Variants in ANO3 observed in about 807,000 individuals in gnomAD.
ANO3 encodes anoctamin-3.
ANO3 carries 99 observed loss-of-function variants against 144.8 expected under a neutral mutation model. That is an observed-to-expected ratio of 0.68 (90% CI 0.58 to 0.81). ANO3 has a LOEUF of 0.81. ANO3 is among the 30% of genes least tolerant of loss of function. The pLI is 0.00. For missense variants in ANO3, 905 were observed against 1,202.2 expected (o/e 0.75, Z 3.66); for synonymous variants, 414 against 392.6 (o/e 1.05, Z -0.64).
intron 1 of ANO3, among the ~76,000 whole-genome samples, chr11:26,221,343 G>T (rs115579015): frequency 6.6e-6 from 1 of 152,144 alleles, no homozygotes; most frequent in Non-Finnish European, 1.5e-5. Context: ...AGGAAGTCTC[G>T]TATAAATTAC....
chr11:26,441,280 G>A (rs1858512737), intron 1 of ANO3, among the ~76,000 whole-genome samples: 1 of 151,074 alleles, frequency 6.6e-6, no homozygotes, highest in South Asian at 2.1e-4. Context: ...ACTACGCCCG[G>A]CTAATTTTTT....
chr11:26,347,198 C>A (rs1276837209), intron 1 of ANO3, among the ~76,000 whole-genome samples: 1 of 152,144 alleles, frequency 6.6e-6, no homozygotes, highest in African/African-American at 2.4e-5. Context: ...TAAAATAACA[C>A]GTGCTTCATA....
At chr11:26,517,309 T>C (rs975227288) in intron 6 of ANO3, among the ~76,000 whole-genome samples, 16 of 152,016 alleles carry the variant, frequency 1.1e-4, no homozygotes, top group Admixed American at 2.0e-4. Flanking sequence ...ATTGTTCTTC[T>C]CTGTATAGTC....
chr11:26,396,103 AC>A (rs1294744960), intron 1 of ANO3, among the ~76,000 whole-genome samples: 5 of 152,196 alleles, frequency 3.3e-5, no homozygotes, highest in Admixed American at 2.0e-4. Context: ...CAAGAAAAAA[AC>A]AACCCCCTCA....
At chr11:26,553,632 T>A (rs1416744825) in intron 13 of ANO3, among the ~76,000 whole-genome samples, 1 of 152,170 alleles carries the variant, frequency 6.6e-6, no homozygotes. Context: ...AGCAAACAAT[T>A]ACTTCTATTG....
intron 6 of ANO3, among the ~76,000 whole-genome samples, chr11:26,524,330 A>G (rs1322784428): frequency 2.6e-5 from 4 of 152,248 alleles, no homozygotes; most frequent in Non-Finnish European, 4.4e-5. Context: ...GTGTTGGAAT[A>G]TGGCAGGGAC....
intron 13 of ANO3, among the ~76,000 whole-genome samples, chr11:26,558,572 C>T (rs1031200918): frequency 4.6e-5 from 7 of 151,940 alleles, no homozygotes; most frequent in South Asian, 2.1e-4. Context: ...TTAGAAATAC[C>T]GTGCCTTAAC....
chr11:26,421,653 C>G (rs1181704395), intron 1 of ANO3, among the ~76,000 whole-genome samples: 1 of 151,952 alleles, frequency 6.6e-6, no homozygotes, highest in Admixed American at 6.6e-5. Flanking sequence ...TAGGCTTTAT[C>G]AAGCACATGT....
intron 4 of ANO3, among the ~76,000 whole-genome samples, chr11:26,482,776 TC>T (rs1179798504): frequency 6.6e-6 from 1 of 152,122 alleles, no homozygotes; most frequent in Admixed American, 6.5e-5. Context: ...CTTCTGAGTC[TC>T]CAATATTATT....
chr11:26,594,405 G>A (rs1851547686), intron 14 of ANO3, among the ~76,000 whole-genome samples: 1 of 152,198 alleles, frequency 6.6e-6, no homozygotes, highest in Admixed American at 6.5e-5. Flanking sequence ...GCCTGATTTA[G>A]CAGTAACATT....
chr11:26,398,081 A>C (rs140761196), intron 1 of ANO3, among the ~76,000 whole-genome samples: 1 of 152,214 alleles, frequency 6.6e-6, no homozygotes, highest in Non-Finnish European at 1.5e-5. Flanking sequence ...TGTATGTTTA[A>C]AATCTGCAAA....
At chr11:26,572,953 T>A (rs1158881745) in intron 14 of ANO3, among the ~76,000 whole-genome samples, 1 of 152,140 alleles carries the variant, frequency 6.6e-6, no homozygotes, top group Non-Finnish European at 1.5e-5. Context: ...GCCCAGGTAA[T>A]GCTTGATTAA....
intron 4 of ANO3, among the ~76,000 whole-genome samples, chr11:26,475,959 A>G (rs945318086): frequency 6.6e-6 from 1 of 152,076 alleles, no homozygotes; most frequent in Non-Finnish European, 1.5e-5. Flanking sequence ...TTAAAAAAAT[A>G]GATAACTGGA....
At chr11:26,190,281 C>A (rs1378076618) in intron 1 of ANO3, among the ~76,000 whole-genome samples, 1 of 151,906 alleles carries the variant, frequency 6.6e-6, no homozygotes, top group African/African-American at 2.4e-5. Context: ...ATTATATAAC[C>A]CCCAGTCAAT....
At chr11:26,634,659 C>T (rs975887954) in intron 19 of ANO3, among the ~76,000 whole-genome samples, 3 of 152,126 alleles carry the variant, frequency 2.0e-5, no homozygotes, top group Non-Finnish European at 4.4e-5. Context: ...ATGCTTAACA[C>T]TCCATCCAAT....
At chr11:26,525,826 C>T in intron 7 of ANO3, 147 bp downstream of exon 7, 1 of 592,416 alleles carries the variant, frequency 1.7e-6, no homozygotes. Context: ...ATAACTTATG[C>T]CAAATCGAAT....
intron 1 of ANO3, among the ~76,000 whole-genome samples, chr11:26,323,761 A>G (rs1854818396): frequency 6.6e-6 from 1 of 152,222 alleles, no homozygotes; most frequent in Non-Finnish European, 1.5e-5. Flanking sequence ...AAATTGACAA[A>G]TTAATTCTTA....
intron 1 of ANO3, among the ~76,000 whole-genome samples, chr11:26,266,769 G>A (rs183419590): frequency 2.5e-3 from 376 of 151,332 alleles, no homozygotes; most frequent in Non-Finnish European, 3.6e-3. Flanking sequence ...GATGCAGAGT[G>A]GTCAGTGGCA....
At chr11:26,349,882 A>G (rs894155094) in intron 1 of ANO3, among the ~76,000 whole-genome samples, 1 of 152,170 alleles carries the variant, frequency 6.6e-6, no homozygotes, top group African/African-American at 2.4e-5. Flanking sequence ...GAGCCAGAGA[A>G]GAAGGAATCT....
Sources: gnomAD v4.1 joint callset for allele counts (sites outside exome capture counted in the v4.1 genomes callset) on GRCh38, gnomAD v4.1.1 for gene constraint, MANE v1.5 for transcripts, NCBI Gene and HGNC (gene_info 2026-07-23, HGNC 2026-07-21) for gene names.